The following DLGAP1 variants were observed in gnomAD, a reference collection of about 807,000 sequenced individuals.
DLGAP1 encodes disks large-associated protein 1.
A neutral mutation model predicts 90.8 loss-of-function variants in DLGAP1; 11 were observed. The observed-to-expected ratio is 0.12, with a 90% confidence interval of 0.08 to 0.20. The LOEUF (loss-of-function observed/expected upper bound fraction) is 0.20, where lower values mean the gene tolerates loss of function less well. DLGAP1 is among the 10% of genes least tolerant of loss of function. The pLI is 1.00. For synonymous variants in DLGAP1, 558 were observed against 540.7 expected (o/e 1.03, Z -0.44); for missense variants, 1,050 against 1,333.8 (o/e 0.79, Z 3.31).
chr18:4,447,950 T>C (rs1292640363), intron 1 of DLGAP1, among the ~76,000 whole-genome samples: 1 of 152,162 alleles, frequency 6.6e-6, no homozygotes, highest in Non-Finnish European at 1.5e-5. Context: ...CATTCTTGTA[T>C]AGCCATTAAT....
intron 6 of DLGAP1, among the ~76,000 whole-genome samples, chr18:3,734,077 A>C (rs2062548172): frequency 6.6e-6 from 1 of 152,180 alleles, no homozygotes; most frequent in African/African-American, 2.4e-5. Flanking sequence ...GTAGCTTCAA[A>C]TCAACTTTTT....
chr18:3,903,241 A>G (rs1263108181), intron 3 of DLGAP1, among the ~76,000 whole-genome samples: 1 of 152,212 alleles, frequency 6.6e-6, no homozygotes, highest in Non-Finnish European at 1.5e-5. Context: ...ATGCTACCTG[A>G]GCTGAAGAAA....
intron 2 of DLGAP1, among the ~76,000 whole-genome samples, chr18:4,145,462 A>C (rs963502001): frequency 3.3e-5 from 5 of 152,220 alleles, no homozygotes; most frequent in Non-Finnish European, 7.4e-5. Flanking sequence ...AAGATTGATG[A>C]AATATTCCAG....
At chr18:4,246,319 C>T (rs913680479) in intron 1 of DLGAP1, among the ~76,000 whole-genome samples, 5 of 152,028 alleles carry the variant, frequency 3.3e-5, no homozygotes, top group Admixed American at 3.3e-4. Context: ...TCAGGAAGGC[C>T]AAACAAATTT....
chr18:4,049,927 C>CATCA (rs1354020442), intron 2 of DLGAP1, among the ~76,000 whole-genome samples: 9 of 144,350 alleles, frequency 6.2e-5, no homozygotes, highest in African/African-American at 2.6e-4. Flanking sequence ...TCCATCCATC[C>CATCA]ATCCATCCAT....
intron 1 of DLGAP1, among the ~76,000 whole-genome samples, chr18:4,200,059 A>G (rs2077578827): frequency 6.6e-6 from 1 of 152,124 alleles, no homozygotes; most frequent in African/African-American, 2.4e-5. Flanking sequence ...GTATGTATAC[A>G]CAGTTTTTTA....
At chr18:3,810,572 G>C (rs996717335) in intron 5 of DLGAP1, among the ~76,000 whole-genome samples, 19 of 152,122 alleles carry the variant, frequency 1.2e-4, no homozygotes, top group African/African-American at 3.6e-4. Flanking sequence ...AAAGAAGTAG[G>C]AACATAAATA....
At chr18:4,224,701 T>C in intron 1 of DLGAP1, among the ~76,000 whole-genome samples, 1 of 150,726 alleles carries the variant, frequency 6.6e-6, no homozygotes, top group Admixed American at 6.6e-5. Context: ...CCAGGTAGGT[T>C]CCAAAGGTAT....
intron 2 of DLGAP1, among the ~76,000 whole-genome samples, chr18:4,143,386 T>C (rs1177762155): frequency 6.6e-6 from 1 of 151,720 alleles, no homozygotes; most frequent in Non-Finnish European, 1.5e-5. Context: ...CCTCTCTCCA[T>C]GGCCACCACT....
intron 6 of DLGAP1, among the ~76,000 whole-genome samples, chr18:3,734,479 T>C (rs1263639917): frequency 6.6e-6 from 1 of 152,180 alleles, no homozygotes; most frequent in Non-Finnish European, 1.5e-5. Context: ...TAGTGTATTT[T>C]TACCTTTTTG....
intron 1 of DLGAP1, among the ~76,000 whole-genome samples, chr18:4,405,568 T>C (rs1459954689): frequency 6.6e-6 from 1 of 152,148 alleles, no homozygotes; most frequent in African/African-American, 2.4e-5. Flanking sequence ...TAAATATACA[T>C]GTATATGCAT....
intron 2 of DLGAP1, among the ~76,000 whole-genome samples, chr18:4,130,785 GAGA>G (rs1168527700): frequency 6.6e-6 from 1 of 152,158 alleles, no homozygotes; most frequent in Non-Finnish European, 1.5e-5. Flanking sequence ...AGGCTGTTCT[GAGA>G]AGGTGACATT....
intron 3 of DLGAP1, among the ~76,000 whole-genome samples, chr18:3,918,693 C>T (rs574948779): frequency 5.8e-4 from 88 of 152,248 alleles, no homozygotes; most frequent in African/African-American, 5.1e-4. Flanking sequence ...AAAGACTACC[C>T]TTCCTGGGGA....
Position 4,388,697 on chromosome 18 carries a change from C to A in DLGAP1, c.-267+66309G>T, listed in dbSNP as rs145168794. On this transcript the variant is annotated intron_variant, in intron 1 of 12. Transcript: ENST00000315677. ...TAGGAAGGAAAAAGTTACTCTCCCC[C>A]ACCCGCTGGCTATTACTTACAGCCA... Among the ~76,000 whole-genome samples the A allele has an allele frequency of 1.9e-3, 290 of 152,268 alleles. 1 individual carries two copies. The highest frequency in any genetic ancestry group is 6.8e-3 in the Middle Eastern group (2 of 294).
intron 2 of DLGAP1, among the ~76,000 whole-genome samples, chr18:4,147,025 G>A: frequency 6.6e-6 from 1 of 152,148 alleles, no homozygotes; most frequent in African/African-American, 2.4e-5. Flanking sequence ...ATGGGATGAT[G>A]CATGCAGATA....
Position 3,653,654 on chromosome 18 carries a change from C to G in DLGAP1, c.1592-71406G>C. 6.6e-6 allele frequency: 1 copy of G among 152,130 alleles called. No individual in the cohort carries two copies. The highest frequency in any genetic ancestry group is 1.9e-4 in the East Asian group (1 of 5,194). The allele number at this position is 152,130 out of a possible 1,614,324, so 9.4% of individuals were successfully genotyped here. ...GCAAATGGAATCTTGGTTTGTTTTT[C>G]TCTTAGGACTTTGACAATTATTTTT... On this transcript the variant is annotated intron_variant, in intron 7 of 12. Coordinates refer to ENST00000315677, the MANE Select transcript of DLGAP1 (RefSeq NM_004746.4). This position sits in a 1 kb window ranked among gnomAD's most constrained non-coding sequence, Gnocchi z 4.6.
At chr18:4,068,185 C>A (rs955407082) in intron 2 of DLGAP1, among the ~76,000 whole-genome samples, 5 of 151,754 alleles carry the variant, frequency 3.3e-5, no homozygotes, top group Non-Finnish European at 5.9e-5. Context: ...TTTATTCAAT[C>A]ATTGCCTCCT....
At chr18:3,584,591 A>C (rs918477301) in intron 7 of DLGAP1, among the ~76,000 whole-genome samples, 1 of 152,194 alleles carries the variant, frequency 6.6e-6, no homozygotes, top group African/African-American at 2.4e-5. Context: ...TGGAGGAATA[A>C]ATCAAGCAAA....
intron 1 of DLGAP1, among the ~76,000 whole-genome samples, chr18:4,249,526 TA>T (rs2076328225): frequency 6.6e-6 from 1 of 152,054 alleles, no homozygotes; most frequent in African/African-American, 2.4e-5. Context: ...GCAACACTTT[TA>T]CTCTATAGAA....
Sources: allele counts gnomAD v4.1 joint callset (sites outside exome capture counted in the v4.1 genomes callset), GRCh38; gene constraint gnomAD v4.1.1; non-coding constraint Gnocchi (gnomAD v3.1); transcripts MANE v1.5; gene names NCBI Gene and HGNC (gene_info 2026-07-23, HGNC 2026-07-21).